The following SDK2 variants were observed in gnomAD, a reference collection of about 807,000 sequenced individuals.
SDK2 encodes the protein sidekick cell adhesion molecule 2, also known as protein sidekick-2.
A neutral mutation model predicts 253.9 loss-of-function variants in SDK2; 105 were observed. That is an observed-to-expected ratio of 0.41 (90% confidence interval 0.35 to 0.49). SDK2 has a LOEUF of 0.49. SDK2 is among the 20% of genes least tolerant of loss of function. The pLI is 0.06. For synonymous variants in SDK2, 1,249 were observed against 1,234.9 expected (o/e 1.01, Z -0.24); for missense variants, 2,608 against 3,003.0 (o/e 0.87, Z 3.07).
At chr17:73,346,556 G>A (rs992438329) in intron 44 of SDK2, among the ~76,000 whole-genome samples, 2 of 152,110 alleles carry the variant, frequency 1.3e-5, no homozygotes, top group Non-Finnish European at 2.9e-5. Context: ...CCCTTCTCCT[G>A]CACCCTGGGC....
intron 18 of SDK2, among the ~76,000 whole-genome samples, chr17:73,405,513 T>TAA (rs796224163): frequency 0.21 from 4,526 of 21,966 alleles, 1,411 homozygotes; most frequent in Non-Finnish European, 0.24. Context: ...TATATATATA[T>TAA]ATATAAAGAT....
chr17:73,390,427 T>A lies in SDK2; in HGVS notation c.4052A>T (p.Glu1351Val), dbSNP rs2062918196. The A allele has an allele frequency of 6.2e-7, 1 of 1,612,948 alleles. No homozygotes were observed. Among genetic ancestry groups the A allele is most frequent in the Non-Finnish European group, 8.5e-7 (1 of 1,179,594 alleles). The change falls in exon 29 of 45, where the codon GAG becomes GTG. Residue 1351 changes from glutamate to valine, a missense_variant. Around this residue, in one of 2 missense-constraint regions of SDK2, gnomAD observed 1,103 missense variants for 1,143.9 expected, o/e 0.96. Coordinates refer to ENST00000392650, the MANE Select transcript of SDK2 (RefSeq NM_001144952.2). ...NTTTANTATV[E>V]VLAPSARQYT... ...CTGCCGGGCGCTGGGTGCCAGCACC[T>A]CCACAGTGGCGGTGTTGGCCGTGGT...
At position 73,483,703 on chromosome 17, in the gene SDK2, A is replaced by T. The variant is rs1246010717; in HGVS notation, c.225-11485T>A. On this transcript the variant is annotated intron_variant, in intron 2 of 44. Transcript: ENST00000392650. ...TATATTTATATATATATATATATAT[A>T]TATATTTTTTTTTTTTTTTAGTAGA... Among the ~76,000 whole-genome samples, 81 of 60,216 alleles carry T rather than the reference A, an allele frequency of 1.3e-3. 3 individuals carry two copies. Among genetic ancestry groups the T allele is most frequent in the Admixed American group, 2.5e-3 (11 of 4,436 alleles). 39.5% of individuals were successfully genotyped at this position (60,216 alleles called of 152,430 possible).
chr17:73,366,758 G>C (rs917047361), intron 37 of SDK2, among the ~76,000 whole-genome samples: 2 of 152,048 alleles, frequency 1.3e-5, no homozygotes, highest in Admixed American at 6.5e-5. Flanking sequence ...CGGGGCTTCT[G>C]GGAGGGTTAA....
intron 3 of SDK2, among the ~76,000 whole-genome samples, chr17:73,469,986 GCGCGCGCACACACACA>G (rs2063633485): frequency 1.2e-5 from 1 of 81,018 alleles, no homozygotes; most frequent in East Asian, 4.8e-4. Flanking sequence ...GCGACTGCGC[GCGCGCGCACACACACA>G]CACACACACA....
intron 1 of SDK2, among the ~76,000 whole-genome samples, chr17:73,532,036 G>C (rs2064172941): frequency 6.6e-6 from 1 of 152,148 alleles, no homozygotes; most frequent in East Asian, 1.9e-4. Context: ...CTAGAGACCA[G>C]ATGTTCTCAA....
At chr17:73,438,652 A>AGAC (rs200145402) in intron 6 of SDK2, among the ~76,000 whole-genome samples, 7,828 of 151,966 alleles carry the variant, frequency 0.052, 355 homozygotes, top group African/African-American at 0.12. Context: ...ACAGACAGAC[A>AGAC]GACAGAAAAA....
chr17:73,385,426 A>G (rs2062864290), intron 32 of SDK2, among the ~76,000 whole-genome samples: 1 of 152,164 alleles, frequency 6.6e-6, no homozygotes, highest in South Asian at 2.1e-4. Flanking sequence ...TTCACCGACC[A>G]GTGGGGCTTC....
intron 1 of SDK2, among the ~76,000 whole-genome samples, chr17:73,623,730 ACT>A (rs1229124395): frequency 6.7e-6 from 1 of 149,966 alleles, no homozygotes; most frequent in Non-Finnish European, 1.5e-5. Context: ...CCAGATCCCG[ACT>A]CTCTCTGCTT....
chr17:73,554,807 T>C (rs1214634387), intron 1 of SDK2, among the ~76,000 whole-genome samples: 1 of 152,220 alleles, frequency 6.6e-6, no homozygotes, highest in African/African-American at 2.4e-5. Context: ...GCTGTGGAGC[T>C]CTTGGGCATC....
At position 73,338,614 on chromosome 17, in the gene SDK2, G is replaced by A. The variant is rs763470785; in HGVS notation, c.6492C>T (p.Pro2164=). 6.6e-7 allele frequency: 1 copy of A among 1,526,308 alleles called. No individual in the cohort carries two copies. 94.5% of individuals were successfully genotyped at this position (1,526,308 alleles called of 1,614,324 possible). A position where few individuals can be genotyped will look rare whatever the true frequency, so the allele number is the denominator to read the frequency against. The change falls in exon 45 of 45, where the codon CCC becomes CCT. Residue 2164 remains proline, a synonymous_variant. Transcript: ENST00000392650. This position sits in a 1 kb window ranked among gnomAD's most constrained non-coding sequence, Gnocchi z 5.0. ...PSSLAPGSRA[P]IAGFSSFV is the part of the protein sequence containing the mutation. ...AAACAAATGATGAAAATCCTGCTAT[G>A]GGAGCCCGGGAGCCTGGGGCCAGGC...
chr17:73,388,076 C>A, intron 29 of SDK2, 39 bp from the exon 30 acceptor site: 1 of 1,469,160 alleles, frequency 6.8e-7, no homozygotes, highest in Non-Finnish European at 9.3e-7. Flanking sequence ...GTGAGTGGGC[C>A]AGGCCATGGT....
In SDK2 at chr17:73,609,167, C is replaced by G. The variant is rs2045944239; in HGVS notation, c.64+34858G>C. Among the ~76,000 whole-genome samples the G allele has an allele frequency of 6.6e-6, 1 of 151,958 alleles. No individual in the cohort carries two copies. The highest frequency in any genetic ancestry group is 2.4e-5 in the African/African-American group (1 of 41,310). On this transcript the variant is annotated intron_variant, in intron 1 of 44. Coordinates refer to ENST00000392650, the MANE Select transcript of SDK2 (RefSeq NM_001144952.2). The surrounding 1 kb of genome is among the most constrained non-coding windows in gnomAD (Gnocchi z 4.4). ...CCTTGTGTGTGTTCAGTTGGGATGA[C>G]TTGGTCATCAAAGTGAATGCAGTGT... is the stretch of plus-strand genomic sequence containing the variant.
At chr17:73,415,701 C>T in intron 17 of SDK2, 110 bp downstream of exon 17, 1 of 963,202 alleles carries the variant, frequency 1.0e-6, no homozygotes. Flanking sequence ...GTTGCCCAGG[C>T]TGGCTTAAAA....
At chr17:73,366,059 G>A (rs576468309) in intron 37 of SDK2, among the ~76,000 whole-genome samples, 15 of 152,276 alleles carry the variant, frequency 9.9e-5, no homozygotes, top group Non-Finnish European at 1.8e-4. Context: ...CCCAATCTGC[G>A]GCATCCCCAG....
At chr17:73,463,970 C>T (rs757542386) in intron 3 of SDK2, among the ~76,000 whole-genome samples, 6 of 152,262 alleles carry the variant, frequency 3.9e-5, no homozygotes, top group South Asian at 2.1e-4. Flanking sequence ...ACCAACTTGA[C>T]GCCAGCAGCC....
At position 73,625,929 on chromosome 17, in the gene SDK2, A is replaced by G. The variant is rs542678115; in HGVS notation, c.64+18096T>C. Among the ~76,000 whole-genome samples, 3 of 152,222 alleles carry G rather than the reference A, an allele frequency of 2.0e-5. No individual in the cohort carries two copies. The East Asian group carries it at 5.8e-4, about 29-fold the overall frequency. On this transcript the variant is annotated intron_variant, in intron 1 of 44. Coordinates refer to ENST00000392650, the MANE Select transcript of SDK2 (RefSeq NM_001144952.2). ...CAAAGTGCTGGGATTATAGGCGTGAATCACCGAGTCCTGCAGCATTTTCAT... is the reference window on the plus strand; with the variant it reads ...CAAAGTGCTGGGATTATAGGCGTGAGTCACCGAGTCCTGCAGCATTTTCAT...
At chr17:73,501,673 C>T (rs760951812) in intron 2 of SDK2, among the ~76,000 whole-genome samples, 2 of 152,228 alleles carry the variant, frequency 1.3e-5, no homozygotes, top group Non-Finnish European at 1.5e-5. Context: ...GGTGGCCACT[C>T]AGAGGAGACA....
chr17:73,369,405 C>T (rs982092520), intron 36 of SDK2, among the ~76,000 whole-genome samples: 7 of 152,360 alleles, frequency 4.6e-5, no homozygotes, highest in African/African-American at 1.2e-4. Flanking sequence ...AGGAAGGCCT[C>T]GGCCAAGACG....
Sources: gnomAD v4.1 joint callset for allele counts (sites outside exome capture counted in the v4.1 genomes callset) on GRCh38, gnomAD v4.1.1 for gene constraint, gnomAD v4.1.1 regional missense constraint, Gnocchi (gnomAD v3.1) non-coding constraint, MANE v1.5 for transcripts, NCBI Gene and HGNC (gene_info 2026-07-23, HGNC 2026-07-21) for gene names.